TBX1: variants seen among roughly 807,000 people sequenced by gnomAD.
TBX1 encodes T-box transcription factor TBX1.
A neutral mutation model predicts 40.8 loss-of-function variants in TBX1; 16 were observed. That is an observed-to-expected ratio of 0.39 (90% CI 0.27 to 0.60). The LOEUF (loss-of-function observed/expected upper bound fraction) is 0.60. Among genes scored for constraint, TBX1 ranks in the 20% least tolerant of loss-of-function variants. The pLI is 0.51. For missense variants in TBX1, 755 were observed against 728.5 expected, an observed-to-expected ratio of 1.04 and a Z score of -0.42; for synonymous variants, 403 against 336.8, an observed-to-expected ratio of 1.20 and a Z score of -2.15.
chr22:19,763,737 A>T (rs996920679), intron 2 of TBX1: 13 of 399,332 alleles, frequency 3.3e-5, no homozygotes, highest in African/African-American at 2.4e-4. Flanking sequence ...TGGGGTGGCC[A>T]GGAGAGATTA....
Position 19,766,379 on chromosome 22 carries a change from C to T in TBX1, c.1037-10C>T, listed in dbSNP as rs1187093140. Reference sequence around the variant, plus strand: ...GGCCGGCCGCGCTCACTCCTCGGCCCTCTCCGCAGACGCGGCTGAGGCCCG... The same window carrying T: ...GGCCGGCCGCGCTCACTCCTCGGCCTTCTCCGCAGACGCGGCTGAGGCCCG... On this transcript the variant is annotated splice_polypyrimidine_tract_variant and intron_variant, in intron 6 of 6. Transcript: ENST00000649276. The T allele has an allele frequency of 4.5e-6, 6 of 1,319,458 alleles. No homozygotes were observed. The highest frequency in any genetic ancestry group is 7.5e-5 in the Admixed American group (2 of 26,798). The allele number at this position is 1,319,458 out of a possible 1,614,324, so 81.7% of individuals were successfully genotyped here. A position where few individuals can be genotyped will look rare whatever the true frequency, so the allele number is the denominator to read the frequency against.
chr22:19,766,076 C>T, intron 6 of TBX1, 74 bp downstream of exon 6: 1 of 1,265,694 alleles, frequency 7.9e-7, no homozygotes, highest in Non-Finnish European at 1.0e-6. Context: ...CTCGCCCGAC[C>T]TCGCCTGCGC....
chr22:19,770,891 C>T (rs1009056587), downstream of TBX1, among the ~76,000 whole-genome samples: 1 of 152,156 alleles, frequency 6.6e-6, no homozygotes, highest in Non-Finnish European at 1.5e-5. Context: ...CAGTGCAACC[C>T]AACCAGGAGC....
upstream of TBX1, among the ~76,000 whole-genome samples, chr22:19,758,946 CAG>C (rs1030282829): frequency 6.6e-6 from 1 of 152,160 alleles, no homozygotes; most frequent in African/African-American, 2.4e-5. Flanking sequence ...GGGCTCCTGT[CAG>C]TGGCCGGTGC....
rs762662497 is a variant in TBX1, at chr22:19,766,579, G to C, written c.1227G>C (p.Leu409=). 1 of 1,464,138 alleles carries C rather than the reference G, an allele frequency of 6.8e-7. No individual in the cohort carries two copies. The highest frequency in any genetic ancestry group is 2.3e-5 in the Admixed American group (1 of 43,580). The allele number at this position is 1,464,138 out of a possible 1,614,324, so 90.7% of individuals were successfully genotyped here. The change falls in exon 7 of 7, where the codon CTG becomes CTC. Residue 409 remains leucine (L), a synonymous_variant. Coordinates refer to ENST00000649276, the MANE Select transcript of TBX1 (RefSeq NM_001379200.1). ...GGRPSPPNPE[L]RLEAPGASEP... ...GGCCCAGTCCCCCGAACCCCGAGCT[G>C]CGCCTGGAGGCGCCCGGCGCATCGG...
intron 6 of TBX1, 190 bp from the exon 7 acceptor site, chr22:19,766,199 C>G: frequency 2.2e-6 from 2 of 907,702 alleles, no homozygotes; most frequent in Non-Finnish European, 2.7e-6. Context: ...CGCCGCCGCC[C>G]GCAGAGGGGC....
At chr22:19,770,390 CCT>C (rs1936969396), downstream of TBX1, among the ~76,000 whole-genome samples, 2 of 152,220 alleles carry the variant, frequency 1.3e-5, no homozygotes, top group African/African-American at 4.8e-5. Context: ...AGCCCCGCTC[CCT>C]GTTTTCAGAA....
Position 19,767,039 on chromosome 22 carries a change from C to A in TBX1, c.*172C>A, listed in dbSNP as rs965810583. On this transcript the variant is annotated 3_prime_UTR_variant, in exon 7 of 7. Coordinates refer to ENST00000649276, the MANE Select transcript of TBX1 (RefSeq NM_001379200.1). The stretch of plus-strand genomic sequence containing the variant: ...TGGGGGCCCCCTCGCCACCCCCAGC[C>A]CCTTGGGCTATCGAAGTATCCGGTT... 3.8e-6 allele frequency: 5 copies of A among 1,324,216 alleles called. No individual in the cohort carries two copies. The South Asian group carries it at 8.0e-5, about 21-fold the overall frequency. The allele number at this position is 1,324,216 out of a possible 1,614,324, so 82.0% of individuals were successfully genotyped here.
At chr22:19,776,408 C>T (rs1937065802) in intron 8 of TBX1, among the ~76,000 whole-genome samples, 2 of 152,232 alleles carry the variant, frequency 1.3e-5, no homozygotes, top group Non-Finnish European at 2.9e-5. Context: ...GAATGCAAGA[C>T]ACACAGTGCC....
At chr22:19,776,004 C>G (rs564001218) in intron 8 of TBX1, among the ~76,000 whole-genome samples, 155 of 152,266 alleles carry the variant, frequency 1.0e-3, no homozygotes, top group Non-Finnish European at 3.7e-4. Flanking sequence ...GGAGGTGGCC[C>G]CTCCAAGTGC....
At chr22:19,759,517 TCC>T (rs1936570402), upstream of TBX1, 1 of 1,521,432 alleles carries the variant, frequency 6.6e-7, no homozygotes, top group African/African-American at 1.4e-5. Flanking sequence ...GCCCGCTGTC[TCC>T]CCGAGCCAGT....
chr22:19,776,159 T>G (rs549370016), intron 8 of TBX1, among the ~76,000 whole-genome samples: 1 of 152,026 alleles, frequency 6.6e-6, no homozygotes, highest in African/African-American at 2.4e-5. Flanking sequence ...GGACAGGCAG[T>G]GCTGTGGCCC....
chr22:19,765,480 C>T (rs1411849685), intron 4 of TBX1, among the ~76,000 whole-genome samples: 2 of 152,188 alleles, frequency 1.3e-5, no homozygotes. Flanking sequence ...GTGGTGACCA[C>T]ATTCCTGTCC....
In TBX1 at chr22:19,765,058, C is replaced by T; in HGVS notation, c.812C>T (p.Thr271Ile). 6.2e-7 allele frequency: 1 copy of T among 1,614,244 alleles called. No homozygotes were observed. The highest frequency in any genetic ancestry group is 8.5e-7 in the Non-Finnish European group (1 of 1,180,046). Reference sequence around the variant, plus strand: ...AAATATGCCGAGGAGAACTTCAAAACCTTTGTGTTCGAGGAGACACGATTC... The same window carrying T: ...AAATATGCCGAGGAGAACTTCAAAATCTTTGTGTTCGAGGAGACACGATTC... ...SEKYAEENFK[T>I]FVFEETRFTA... Residue 271 changes from threonine to isoleucine, a missense_variant, in exon 4 of 7, where the codon ACC (threonine) becomes ATC (isoleucine). Physicochemically the swap from Thr to Ile is moderately conservative, Grantham distance 89. Transcript: ENST00000649276.
chr22:19,782,701 CA>C (rs1261710781), downstream of TBX1, among the ~76,000 whole-genome samples: 2 of 152,170 alleles, frequency 1.3e-5, no homozygotes, highest in Non-Finnish European at 2.9e-5. Flanking sequence ...TGAGTGGGTG[CA>C]CACTGGACTC....
At chr22:19,778,908 C>T (rs1403145468) in intron 8 of TBX1, among the ~76,000 whole-genome samples, 1 of 152,116 alleles carries the variant, frequency 6.6e-6, no homozygotes, top group Non-Finnish European at 1.5e-5. Context: ...AACAATAAGA[C>T]TCCGTCTCAA....
chr22:19,779,164 G>A, intron 8 of TBX1: 8 of 1,595,624 alleles, frequency 5.0e-6, no homozygotes, highest in Non-Finnish European at 6.9e-6. Context: ...CAAGAAAAGA[G>A]AGGCACCTCT....
At chr22:19,765,850 G>C in intron 5 of TBX1, 25 bp downstream of exon 5, 1 of 1,585,350 alleles carries the variant, frequency 6.3e-7, no homozygotes, top group Non-Finnish European at 8.6e-7. Context: ...CCGAGAGAGT[G>C]AGCGCCGGGC....
chr22:19,766,582 C>T lies in TBX1; in HGVS notation c.1230C>T (p.Arg410=). Residue 410 remains arginine, a synonymous_variant, in exon 7 of 7, where the codon CGC becomes CGT. Coordinates refer to ENST00000649276, the MANE Select transcript of TBX1 (RefSeq NM_001379200.1). ...GRPSPPNPEL[R]LEAPGASEPL... ...CCAGTCCCCCGAACCCCGAGCTGCG[C>T]CTGGAGGCGCCCGGCGCATCGGAGC... The T allele has an allele frequency of 4.8e-6, 7 of 1,469,708 alleles. No individual in the cohort carries two copies. Among genetic ancestry groups the T allele is most frequent in the Non-Finnish European group, 6.3e-6 (7 of 1,114,548 alleles). The allele number at this position is 1,469,708 out of a possible 1,614,324, so 91.0% of individuals were successfully genotyped here.
Sources: allele counts gnomAD v4.1 joint callset (sites outside exome capture counted in the v4.1 genomes callset), GRCh38; gene constraint gnomAD v4.1.1; transcripts MANE v1.5; gene names NCBI Gene and HGNC (gene_info 2026-07-23, HGNC 2026-07-21).